Variants in AP4E1 observed in about 807,000 individuals in gnomAD.
AP4E1 encodes AP-4 complex subunit epsilon-1.
In AP4E1, 56 loss-of-function variants were observed where a neutral mutation model predicts 128.2. That is an observed-to-expected ratio of 0.44 (90% CI 0.35 to 0.55). The LOEUF (loss-of-function observed/expected upper bound fraction) is 0.55, where lower values mean the gene tolerates loss of function less well. Ranked by LOEUF, AP4E1 falls within the 20% of genes least tolerant of loss-of-function variation. The pLI is 0.00. For synonymous variants in AP4E1, 484 were observed against 473.1 expected (o/e 1.02, Z -0.30); for missense variants, 1,324 against 1,307.7 (o/e 1.01, Z -0.19).
intron 3 of AP4E1, among the ~76,000 whole-genome samples, chr15:50,920,783 A>T (rs143414893): frequency 6.6e-6 from 1 of 152,238 alleles, no homozygotes; most frequent in Non-Finnish European, 1.5e-5. Flanking sequence ...GCTTTCTCTG[A>T]TGCAGAATGT....
chr15:50,907,813 G>A (rs12441319), upstream of AP4E1, among the ~76,000 whole-genome samples: 25,441 of 152,166 alleles, frequency 0.17, 2,385 homozygotes, highest in Admixed American at 0.27. Context: ...CGACCCTGAG[G>A]TCACCAGACC....
intron 13 of AP4E1, among the ~76,000 whole-genome samples, chr15:50,954,457 TTTGTTG>T (rs900199359): frequency 6.6e-6 from 1 of 151,888 alleles, no homozygotes; most frequent in African/African-American, 2.4e-5. Context: ...AATAGTTCAG[TTTGTTG>T]TTGTTGTTGT....
intron 5 of AP4E1, among the ~76,000 whole-genome samples, chr15:50,927,467 TA>T (rs2063782359): frequency 6.6e-6 from 1 of 151,774 alleles, no homozygotes; most frequent in African/African-American, 2.4e-5. Context: ...CGTCTTATGT[TA>T]GTACCACCAC....
intron 15 of AP4E1, among the ~76,000 whole-genome samples, chr15:50,968,851 T>C (rs1596492386): frequency 6.6e-6 from 1 of 151,758 alleles, no homozygotes; most frequent in African/African-American, 2.4e-5. Context: ...GTTTCAAACT[T>C]CGGCCTCAAG....
intron 15 of AP4E1, among the ~76,000 whole-genome samples, chr15:50,978,087 A>G (rs1250556924): frequency 2.0e-5 from 3 of 152,178 alleles, no homozygotes; most frequent in Admixed American, 2.0e-4. Context: ...AATAAGTGAT[A>G]CTTTGATCTT....
At chr15:50,977,896 G>A (rs1304003424) in intron 15 of AP4E1, among the ~76,000 whole-genome samples, 1 of 151,768 alleles carries the variant, frequency 6.6e-6, no homozygotes, top group Non-Finnish European at 1.5e-5. Context: ...TTTTAGTAGC[G>A]ATGACGTTTC....
chr15:50,924,527 T>G (rs1256522567), intron 4 of AP4E1, among the ~76,000 whole-genome samples: 1 of 152,162 alleles, frequency 6.6e-6, no homozygotes, highest in Non-Finnish European at 1.5e-5. Flanking sequence ...GTTGTTGAGC[T>G]TTTTATCTTG....
At chr15:50,947,415 CAAAA>C (rs34715973) in intron 10 of AP4E1, among the ~76,000 whole-genome samples, 14 of 117,146 alleles carry the variant, frequency 1.2e-4, no homozygotes, top group Admixed American at 4.5e-4. Context: ...GACCCTGTCT[CAAAA>C]AAAAAAAAAA....
At chr15:50,997,256 T>G in intron 17 of AP4E1, 70 bp from the exon 18 acceptor site, 1 of 1,324,888 alleles carries the variant, frequency 7.5e-7, no homozygotes, top group South Asian at 1.6e-5. Flanking sequence ...TTTGAAATTA[T>G]AGATGAATGT....
upstream of AP4E1, chr15:50,908,560 T>C (rs773930982): frequency 5.9e-6 from 3 of 508,060 alleles, no homozygotes; most frequent in Non-Finnish European, 9.7e-6. Context: ...ACGCGCGCAA[T>C]CTCGAGCGAG....
At chr15:50,908,016 G>T (rs1282399457), upstream of AP4E1, among the ~76,000 whole-genome samples, 1 of 152,224 alleles carries the variant, frequency 6.6e-6, no homozygotes. Context: ...CAGGGGAGTG[G>T]GCTCTAGAAG....
At chr15:50,949,352 A>AC (rs2140860871) in intron 11 of AP4E1, among the ~76,000 whole-genome samples, 1 of 151,562 alleles carries the variant, frequency 6.6e-6, no homozygotes, top group Admixed American at 6.6e-5. Context: ...GGCGGAGGTC[A>AC]CAGTGAACCG....
At chr15:50,909,064 C>A (rs2063532489) in intron 1 of AP4E1, 136 bp downstream of exon 1, 2 of 1,369,952 alleles carry the variant, frequency 1.5e-6, no homozygotes, top group Non-Finnish European at 1.9e-6. Context: ...TGTGTCGGTT[C>A]GTCCTTTCGT....
intron 16 of AP4E1, among the ~76,000 whole-genome samples, chr15:50,986,817 C>T (rs1595574121): frequency 6.6e-6 from 1 of 152,148 alleles, no homozygotes; most frequent in Non-Finnish European, 1.5e-5. Flanking sequence ...ATGATGCTGG[C>T]CTCATAAAAT....
intron 13 of AP4E1, among the ~76,000 whole-genome samples, chr15:50,951,392 C>T (rs2064147836): frequency 6.6e-6 from 1 of 152,154 alleles, no homozygotes; most frequent in African/African-American, 2.4e-5. Flanking sequence ...CCAACAGGGC[C>T]GCCTGCTTCA....
Position 50,915,511 on chromosome 15 carries a change from T to G in AP4E1, c.286T>G (p.Phe96Val), listed in dbSNP as rs566579877. Residue 96 changes from phenylalanine (F) to valine (V), a missense_variant, in exon 3 of 21, where the codon TTT becomes GTT. Phe to Val is a conservative substitution (Grantham distance 50). Transcript: ENST00000261842. ...YCEMLGYDAS[F>V]GYIHAIKLAQ... is the part of the protein sequence containing the mutation. ...TGAAATGCTTGGATATGATGCTTCC[T>G]TTGGCTATATTCATGCAATCAAGTT... 2.7e-5 allele frequency: 43 copies of G among 1,613,624 alleles called. 1 individual carries two copies. The South Asian group carries it at 4.6e-4, about 17-fold the overall frequency.
At chr15:50,996,408 G>T (rs1472901086) in intron 17 of AP4E1, among the ~76,000 whole-genome samples, 2 of 151,866 alleles carry the variant, frequency 1.3e-5, no homozygotes, top group East Asian at 3.9e-4. Context: ...CCTTGTTTTT[G>T]TGTTAATAAA....
chr15:50,960,851 T>C (rs2064303266), intron 14 of AP4E1, among the ~76,000 whole-genome samples: 1 of 151,502 alleles, frequency 6.6e-6, no homozygotes, highest in African/African-American at 2.4e-5. Context: ...TTGGTTATTT[T>C]GAACAATAAA....
chr15:50,989,249 G>T (rs1006161039), intron 16 of AP4E1, among the ~76,000 whole-genome samples: 1 of 152,186 alleles, frequency 6.6e-6, no homozygotes, highest in African/African-American at 2.4e-5. Flanking sequence ...TGGCCGCATT[G>T]TTGGAATAAA....
Sources: allele counts gnomAD v4.1 joint callset (sites outside exome capture counted in the v4.1 genomes callset), GRCh38; gene constraint gnomAD v4.1.1; transcripts MANE v1.5; gene names NCBI Gene and HGNC (gene_info 2026-07-23, HGNC 2026-07-21).